Variants in SPATS1 observed in about 807,000 individuals in gnomAD.
SPATS1 encodes spermatogenesis-associated serine-rich protein 1.
In SPATS1, 23 loss-of-function variants were observed where a neutral mutation model predicts 33.6. The observed-to-expected ratio is 0.68, with a 90% CI of 0.49 to 0.97. The LOEUF is 0.97. Ranked by LOEUF, SPATS1 falls within the 50% of genes least tolerant of loss-of-function variation. SPATS1 has a pLI of 0.00. For synonymous variants in SPATS1, 131 were observed against 125.6 expected, an observed-to-expected ratio of 1.04 and a Z score of -0.29; for missense variants, 327 against 361.0, an observed-to-expected ratio of 0.91 and a Z score of 0.76.
chr6:44,376,337 G>T (rs754955072), intron 7 of SPATS1, 21 bp from the exon 8 acceptor site: 4 of 1,524,066 alleles, frequency 2.6e-6, no homozygotes, highest in Non-Finnish European at 3.6e-6. Context: ...TACAACTCAG[G>T]GTGTTGTCTT....
At chr6:44,348,951 T>C (rs1474057543) in intron 2 of SPATS1, among the ~76,000 whole-genome samples, 1 of 152,116 alleles carries the variant, frequency 6.6e-6, no homozygotes, top group African/African-American at 2.4e-5. Context: ...GCCAACATGG[T>C]GAAACCCCGT....
chr6:44,342,950 G>T, intron 1 of SPATS1, 146 bp from the exon 2 acceptor site: 1 of 1,251,542 alleles, frequency 8.0e-7, no homozygotes, highest in South Asian at 1.4e-5. Flanking sequence ...CAGGTGGAGG[G>T]AGTAAGGCTC....
At position 44,375,288 on chromosome 6, in the gene SPATS1, G is replaced by T. The variant is rs1789862069; in HGVS notation, c.759-1070G>T. 2.6e-5 allele frequency among the ~76,000 whole-genome samples: 4 copies of T among 152,168 alleles called. No individual in the cohort carries two copies. In the South Asian group the frequency reaches 8.3e-4, roughly 32 times the overall value. On this transcript the variant is annotated intron_variant, in intron 7 of 8. Coordinates refer to ENST00000674044, the MANE Select transcript of SPATS1 (RefSeq NM_001372081.1). Reference sequence around the variant, plus strand: ...GAAGCACCCAGAGGCTCATGACAGTGGGAAGCGTTACTACTCTTGGGTCTG... The same window carrying T: ...GAAGCACCCAGAGGCTCATGACAGTTGGAAGCGTTACTACTCTTGGGTCTG...
chr6:44,360,724 T>C (rs1003956323), intron 4 of SPATS1, among the ~76,000 whole-genome samples, 154 bp downstream of exon 4: 2 of 152,240 alleles, frequency 1.3e-5, no homozygotes, highest in Non-Finnish European at 2.9e-5. Context: ...GAAGCCATTA[T>C]ATGTTTTTCA....
Position 44,352,797 on chromosome 6 carries a change from A to G in SPATS1, c.211A>G (p.Ser71Gly), listed in dbSNP as rs1788320105. Residue 71 changes from serine (S) to glycine (G), a missense_variant, in exon 3 of 9, where the codon AGT (serine) becomes GGT (glycine). Coordinates refer to ENST00000674044, the MANE Select transcript of SPATS1 (RefSeq NM_001372081.1). ...CACAACACCCTCTGGCAAAAGTGTCAGTTCCTCATCTTCTGTGGAAACAGG... is the reference window on the plus strand; with the variant it reads ...CACAACACCCTCTGGCAAAAGTGTCGGTTCCTCATCTTCTGTGGAAACAGG... The part of the protein sequence containing the change: ...ANTTPSGKSV[S>G]SSSSVETGPS... The G allele has an allele frequency of 6.2e-7, 1 of 1,614,104 alleles. No homozygotes were observed. Among genetic ancestry groups the G allele is most frequent in the South Asian group, 1.1e-5 (1 of 91,080 alleles).
chr6:44,371,985 T>C (rs1789650529), intron 7 of SPATS1, among the ~76,000 whole-genome samples: 1 of 148,266 alleles, frequency 6.7e-6, no homozygotes, highest in Non-Finnish European at 1.5e-5. Context: ...CAGCCGGGCA[T>C]GATGGCTCAC....
intron 3 of SPATS1, among the ~76,000 whole-genome samples, chr6:44,355,832 G>A (rs1788558142): frequency 6.6e-6 from 1 of 151,936 alleles, no homozygotes; most frequent in African/African-American, 2.4e-5. Flanking sequence ...AGCAGTAGTG[G>A]GACCATGTAT....
At chr6:44,360,606 C>T (rs770317693) in intron 4 of SPATS1, 36 bp downstream of exon 4, 28 of 1,611,274 alleles carry the variant, frequency 1.7e-5, no homozygotes, top group African/African-American at 4.0e-5. Flanking sequence ...GCTTCTGTGC[C>T]CCAGGTCTTT....
chr6:44,354,357 A>C (rs1788436234), intron 3 of SPATS1, among the ~76,000 whole-genome samples: 3 of 93,716 alleles, frequency 3.2e-5, no homozygotes. Flanking sequence ...AAATAAATAA[A>C]TAAATAAATA....
In SPATS1 at chr6:44,361,827, G is replaced by A; in HGVS notation, c.413-4G>A. The A allele has an allele frequency of 6.2e-7, 1 of 1,614,216 alleles. No individual in the cohort carries two copies. ...CTAATGGAAGGCTTTCTGGTGTATT[G>A]CAGAAGATGGGCATCGTCCTGAGTG... On this transcript the variant is annotated splice_polypyrimidine_tract_variant and splice_region_variant and intron_variant, in intron 4 of 8. Transcript: ENST00000674044.
rs758794030 is a variant in SPATS1, at chr6:44,343,209, C to T, written c.114C>T (p.Gly38=). 1.2e-6 allele frequency: 2 copies of T among 1,613,878 alleles called. No homozygotes were observed. Among genetic ancestry groups the T allele is most frequent in the South Asian group, 2.2e-5 (2 of 91,062 alleles). ...AGGTTCCAGAAAAAAGGGACTCTGG[C>T]ATGACCGAGGTGGAGAGGACCTACA... The part of the protein sequence containing the change: ...LEKVPEKRDS[G]MTEVERTYSA... The change falls in exon 2 of 9, where the codon GGC becomes GGT. Residue 38 remains glycine (G), a synonymous_variant. Transcript: ENST00000674044.
intron 4 of SPATS1, 34 bp from the exon 5 acceptor site, chr6:44,361,797 C>G (rs1788938495): frequency 2.5e-6 from 4 of 1,613,668 alleles, no homozygotes; most frequent in South Asian, 1.1e-5. Context: ...AGGCTGGGAA[C>G]AGTGCTAATG....
chr6:44,356,224 A>C (rs1788580004), intron 3 of SPATS1, among the ~76,000 whole-genome samples: 2 of 152,128 alleles, frequency 1.3e-5, no homozygotes. Context: ...AGATTGACAG[A>C]TCATACTTGT....
intron 5 of SPATS1, among the ~76,000 whole-genome samples, chr6:44,363,925 C>T (rs1789088992): frequency 6.6e-6 from 1 of 152,178 alleles, no homozygotes; most frequent in Non-Finnish European, 1.5e-5. Flanking sequence ...ATATCCTCTT[C>T]CCCGAATATT....
chr6:44,370,455 T>TAG (rs1789534865), intron 7 of SPATS1, among the ~76,000 whole-genome samples: 1 of 152,192 alleles, frequency 6.6e-6, no homozygotes, highest in Non-Finnish European at 1.5e-5. Flanking sequence ...CTTAAATGAT[T>TAG]GCAACTGGCG....
chr6:44,343,429 A>G (rs778411298), intron 2 of SPATS1, 195 bp downstream of exon 2: 24 of 689,818 alleles, frequency 3.5e-5, no homozygotes, highest in Non-Finnish European at 6.3e-5. Context: ...AGCACCACCA[A>G]AGCAGAGAGT....
chr6:44,358,245 T>C (rs950341561), intron 3 of SPATS1, among the ~76,000 whole-genome samples: 4 of 152,182 alleles, frequency 2.6e-5, no homozygotes, highest in Admixed American at 6.5e-5. Flanking sequence ...CGCATTGTTA[T>C]GAAAAAAGAT....
intron 7 of SPATS1, among the ~76,000 whole-genome samples, chr6:44,373,255 G>A (rs530203643): frequency 2.0e-5 from 3 of 152,268 alleles, no homozygotes; most frequent in South Asian, 2.1e-4. Flanking sequence ...CTCATCCTAC[G>A]CTGTGGTCTT....
chr6:44,347,304 C>A (rs1787952782), intron 2 of SPATS1, among the ~76,000 whole-genome samples: 1 of 152,128 alleles, frequency 6.6e-6, no homozygotes, highest in East Asian at 1.9e-4. Flanking sequence ...AGCAAACTAC[C>A]GTGGCATGTG....
Sources: gnomAD v4.1 joint callset for allele counts (sites outside exome capture counted in the v4.1 genomes callset) on GRCh38, gnomAD v4.1.1 for gene constraint, MANE v1.5 for transcripts, NCBI Gene and HGNC (gene_info 2026-07-23, HGNC 2026-07-21) for gene names.